The following SPON1 variants were observed in gnomAD, a reference collection of about 807,000 sequenced individuals.
SPON1 encodes spondin 1.
Under a neutral mutation model 111.7 loss-of-function variants are expected in SPON1, and 52 were observed. The ratio of observed to expected loss-of-function variants is 0.47; its 90% confidence interval spans 0.37 to 0.59. The LOEUF (loss-of-function observed/expected upper bound fraction) is 0.59. Ranked by LOEUF, SPON1 falls within the 20% of genes least tolerant of loss-of-function variation. The pLI, the probability that SPON1 is intolerant of heterozygous loss-of-function variation, is 0.00. For missense variants in SPON1, 957 were observed against 1,068.5 expected, an observed-to-expected ratio of 0.90 and a Z score of 1.46; for synonymous variants, 410 against 395.8, an observed-to-expected ratio of 1.04 and a Z score of -0.43.
chr11:14,177,656 A>T (rs1359405719), intron 6 of SPON1, among the ~76,000 whole-genome samples: 2 of 152,196 alleles, frequency 1.3e-5, no homozygotes, highest in Non-Finnish European at 2.9e-5. Context: ...CTACAAAGGC[A>T]ATCTAGTCCC....
intron 15 of SPON1, 86 bp from the exon 16 acceptor site, chr11:14,265,438 A>G: frequency 7.0e-7 from 1 of 1,429,632 alleles, no homozygotes; most frequent in South Asian, 1.4e-5. Flanking sequence ...GAGCCCAGAC[A>G]AGCACATTTC....
intron 5 of SPON1, among the ~76,000 whole-genome samples, chr11:14,126,033 G>A (rs1847455922): frequency 6.6e-6 from 1 of 152,202 alleles, no homozygotes; most frequent in South Asian, 2.1e-4. Flanking sequence ...CTTAAAGGCA[G>A]TTAGGCAGAA....
chr11:14,206,189 CTGAT>C (rs1262915523), intron 6 of SPON1, among the ~76,000 whole-genome samples: 47 of 152,178 alleles, frequency 3.1e-4, no homozygotes, highest in Admixed American at 1.9e-3. Flanking sequence ...GACACAGCCT[CTGAT>C]GGTTACTTTT....
chr11:14,079,835 T>C, intron 4 of SPON1, 64 bp from the exon 5 acceptor site: 1 of 1,585,740 alleles, frequency 6.3e-7, no homozygotes, highest in Non-Finnish European at 8.6e-7. Context: ...GAGACCATGA[T>C]AGCACCACCT....
chr11:14,114,338 T>C (rs1232687083), intron 5 of SPON1, among the ~76,000 whole-genome samples: 1 of 152,188 alleles, frequency 6.6e-6, no homozygotes, highest in Non-Finnish European at 1.5e-5. Context: ...ACAAATAAAG[T>C]TCTGATGCTG....
chr11:13,997,872 G>A (rs141947003), intron 2 of SPON1, among the ~76,000 whole-genome samples: 13 of 152,176 alleles, frequency 8.5e-5, no homozygotes, highest in South Asian at 2.1e-4. Context: ...ACCAAAAATG[G>A]AATTTAAATT....
At chr11:13,984,451 G>A (rs536048993) in intron 2 of SPON1, among the ~76,000 whole-genome samples, 67 of 152,224 alleles carry the variant, frequency 4.4e-4, no homozygotes, top group African/African-American at 1.5e-3. Flanking sequence ...GGGCCTTCTT[G>A]CTGCATTATC....
chr11:14,044,591 G>A (rs1458103143), intron 3 of SPON1, among the ~76,000 whole-genome samples: 1 of 152,182 alleles, frequency 6.6e-6, no homozygotes, highest in Non-Finnish European at 1.5e-5. Context: ...CAGCCTGGGT[G>A]ACAGAGTGAA....
intron 6 of SPON1, among the ~76,000 whole-genome samples, chr11:14,237,579 T>G (rs782172427): frequency 6.6e-6 from 1 of 152,260 alleles, no homozygotes; most frequent in Non-Finnish European, 1.5e-5. Context: ...GACAGCGTGA[T>G]AGCTATTTCC....
intron 7 of SPON1, among the ~76,000 whole-genome samples, chr11:14,245,875 G>A: frequency 6.6e-6 from 1 of 152,224 alleles, no homozygotes; most frequent in East Asian, 1.9e-4. Context: ...CTCCTGGCAG[G>A]TGCACCTTTG....
At chr11:14,075,573 T>A (rs1414912105) in intron 4 of SPON1, among the ~76,000 whole-genome samples, 155 bp downstream of exon 4, 11 of 152,172 alleles carry the variant, frequency 7.2e-5, no homozygotes, top group Admixed American at 7.2e-4. Context: ...TCTGGCTGTG[T>A]GCTGTGGGTA....
chr11:14,237,551 G>C (rs1554939311), intron 6 of SPON1, among the ~76,000 whole-genome samples: 18 of 152,266 alleles, frequency 1.2e-4, no homozygotes, highest in Non-Finnish European at 2.6e-4. Context: ...CTGAGCCACA[G>C]CTTCCTCATC....
At chr11:14,250,450 G>A (rs569808992) in intron 7 of SPON1, among the ~76,000 whole-genome samples, 10 of 149,758 alleles carry the variant, frequency 6.7e-5, no homozygotes, top group Admixed American at 1.3e-4. Context: ...CCCACTTGTC[G>A]CACAATCTTT....
chr11:14,005,117 C>A (rs191504414), intron 2 of SPON1, among the ~76,000 whole-genome samples: 122 of 152,176 alleles, frequency 8.0e-4, no homozygotes, highest in Middle Eastern at 6.8e-3. Flanking sequence ...GTAGCATGAA[C>A]TGTTGGTGTG....
Position 13,962,911 on chromosome 11 carries a change from C to T in SPON1, c.7C>T (p.Leu3=). ...AAAGTTGGGGGCCGCGAAGATGAGG[C>T]TGTCCCCGGCGCCCCTGAAGCTGAG... The part of the protein sequence containing the change: MR[L]SPAPLKLSRT... The change falls in exon 1 of 16, where the codon CTG becomes TTG. Residue 3 remains leucine (L), a synonymous_variant. Transcript: ENST00000576479. 1 of 1,537,474 alleles carries T rather than the reference C, an allele frequency of 6.5e-7. No individual in the cohort carries two copies. Among genetic ancestry groups the T allele is most frequent in the Non-Finnish European group, 8.7e-7 (1 of 1,146,352 alleles).
At chr11:14,051,477 A>T (rs1439424212) in intron 3 of SPON1, among the ~76,000 whole-genome samples, 2 of 151,988 alleles carry the variant, frequency 1.3e-5, no homozygotes, top group African/African-American at 4.8e-5. Flanking sequence ...TTGAGGCTTC[A>T]ATGAGCTGAG....
At chr11:14,133,603 G>A (rs78523387) in intron 5 of SPON1, among the ~76,000 whole-genome samples, 1 of 152,278 alleles carries the variant, frequency 6.6e-6, no homozygotes, top group East Asian at 1.9e-4. Flanking sequence ...GGTGGAGAAG[G>A]GCAGGGAGAG....
At chr11:14,013,840 CAG>C (rs1321792264) in intron 2 of SPON1, among the ~76,000 whole-genome samples, 1 of 152,152 alleles carries the variant, frequency 6.6e-6, no homozygotes, top group Non-Finnish European at 1.5e-5. Flanking sequence ...GGAAGAGACT[CAG>C]AGAGGTTATT....
rs1189698405 is a variant in SPON1, at chr11:14,231,972, C to T, written c.826-11360C>T. On this transcript the variant is annotated intron_variant, in intron 6 of 15. Coordinates refer to ENST00000576479, the MANE Select transcript of SPON1 (RefSeq NM_006108.4). ...TTTTTGTTTCTCTCTCCTCCTACGC[C>T]GTGTGTGTGTGTGTGTGTTTGTCTC... Among the ~76,000 whole-genome samples, 6 of 149,518 alleles carry T rather than the reference C, an allele frequency of 4.0e-5. No homozygotes were observed. In the East Asian group the frequency reaches 1.2e-3, roughly 29 times the overall value.
Sources: gnomAD v4.1 joint callset for allele counts (sites outside exome capture counted in the v4.1 genomes callset) on GRCh38, gnomAD v4.1.1 for gene constraint, MANE v1.5 for transcripts, NCBI Gene and HGNC (gene_info 2026-07-23, HGNC 2026-07-21) for gene names.